Variants in CEP350 observed in about 807,000 individuals in gnomAD.
CEP350 encodes the protein centrosomal protein 350, also known as centrosome-associated protein 350.
A neutral mutation model predicts 331.8 loss-of-function variants in CEP350; 126 were observed. The ratio of observed to expected loss-of-function variants is 0.38; its 90% CI spans 0.33 to 0.44. The LOEUF is 0.44. CEP350 is among the 20% of genes least tolerant of loss of function. The pLI is 1.00. For synonymous variants in CEP350, 1,200 were observed against 1,259.5 expected, an observed-to-expected ratio of 0.95 and a Z score of 1.00; for missense variants, 3,406 against 3,634.6, an observed-to-expected ratio of 0.94 and a Z score of 1.62.
chr1:180,097,360 A>C (rs950071017), intron 36 of CEP350, among the ~76,000 whole-genome samples: 1 of 152,328 alleles, frequency 6.6e-6, no homozygotes. Flanking sequence ...CCCTGGCTTA[A>C]AGTAACTAGC....
intron 1 of CEP350, among the ~76,000 whole-genome samples, chr1:179,959,823 A>G (rs566857399): frequency 2.0e-5 from 3 of 152,284 alleles, no homozygotes; most frequent in African/African-American, 4.8e-5. Context: ...TATAATAAAT[A>G]TATTTGTTTT....
At position 180,048,520 on chromosome 1, in the gene CEP350, A is replaced by C. The variant is rs761969059; in HGVS notation, c.4623-16A>C. 2.0e-5 allele frequency: 32 copies of C among 1,562,836 alleles called. No individual in the cohort carries two copies. Among genetic ancestry groups the C allele is most frequent in the Non-Finnish European group, 2.8e-5 (32 of 1,143,784 alleles). Reference sequence around the variant, plus strand: ...TGTTAATTTTGTTGTTGTTGTTTCCATGTATCCATAAAAAGAAGTAGCAGT... The same window carrying C: ...TGTTAATTTTGTTGTTGTTGTTTCCCTGTATCCATAAAAAGAAGTAGCAGT... On this transcript the variant is annotated splice_polypyrimidine_tract_variant and intron_variant, in intron 21 of 37. Coordinates refer to ENST00000367607, the MANE Select transcript of CEP350 (RefSeq NM_014810.5).
intron 14 of CEP350, among the ~76,000 whole-genome samples, chr1:180,025,730 A>G (rs527365990): frequency 6.6e-6 from 1 of 152,232 alleles, no homozygotes; most frequent in East Asian, 1.9e-4. Context: ...GGGGATCATC[A>G]CACACTGGGA....
At chr1:180,001,506 G>T (rs756067289) in intron 6 of CEP350, among the ~76,000 whole-genome samples, 11 of 152,118 alleles carry the variant, frequency 7.2e-5, no homozygotes, top group Non-Finnish European at 1.6e-4. Flanking sequence ...TGATCCACTC[G>T]CCTCAGCCTC....
At chr1:179,979,155 A>G (rs914742130) in intron 1 of CEP350, among the ~76,000 whole-genome samples, 1 of 152,150 alleles carries the variant, frequency 6.6e-6, no homozygotes, top group Non-Finnish European at 1.5e-5. Flanking sequence ...ACTGTTTTCC[A>G]TAGTGGATAT....
intron 2 of CEP350, among the ~76,000 whole-genome samples, chr1:179,986,995 C>T (rs915964690): frequency 6.6e-6 from 1 of 152,026 alleles, no homozygotes; most frequent in Non-Finnish European, 1.5e-5. Flanking sequence ...AGTGGAAATG[C>T]CAGTCCAATG....
intron 17 of CEP350, among the ~76,000 whole-genome samples, chr1:180,039,263 A>AAAGG (rs1214981940): frequency 1.5e-5 from 1 of 66,524 alleles, no homozygotes; most frequent in African/African-American, 4.5e-5. Flanking sequence ...AAAAAGGAAG[A>AAAGG]AAGGAAGGAA....
rs1334958503 is a variant in CEP350, at chr1:179,992,044, G to T, written c.236-18G>T. On this transcript the variant is annotated intron_variant, in intron 4 of 37. Transcript: ENST00000367607. ...GTATTTTATATTATATGTTCTCACA[G>T]ATTTCCTTTTCCTTCAGATGGTAGA... 2.0e-6 allele frequency: 3 copies of T among 1,510,508 alleles called. No individual in the cohort carries two copies. Among genetic ancestry groups the T allele is most frequent in the African/African-American group, 2.9e-5 (2 of 69,656 alleles). 93.6% of individuals were successfully genotyped at this position (1,510,508 alleles called of 1,614,324 possible).
intron 1 of CEP350, among the ~76,000 whole-genome samples, chr1:179,976,839 G>C (rs934590435): frequency 6.6e-6 from 1 of 151,804 alleles, no homozygotes. Flanking sequence ...TTTTTCCCCC[G>C]TAAGGAAACT....
At chr1:179,985,950 A>G (rs1456855388) in intron 1 of CEP350, among the ~76,000 whole-genome samples, 5 of 152,174 alleles carry the variant, frequency 3.3e-5, no homozygotes, top group Non-Finnish European at 5.9e-5. Context: ...ACTGTTTTCC[A>G]TAGTGATTGT....
At chr1:180,057,381 G>A (rs1409986149) in intron 25 of CEP350, among the ~76,000 whole-genome samples, 1 of 152,048 alleles carries the variant, frequency 6.6e-6, no homozygotes, top group African/African-American at 2.4e-5. Context: ...GATTACAGGC[G>A]TGAGCCACCG....
chr1:180,079,602 CTTA>C (rs1659435698), intron 29 of CEP350, among the ~76,000 whole-genome samples: 1 of 151,750 alleles, frequency 6.6e-6, no homozygotes, highest in Non-Finnish European at 1.5e-5. Flanking sequence ...TTAGTGGTTT[CTTA>C]TTATATGATA....
chr1:180,026,740 T>G (rs1181195903), intron 14 of CEP350, among the ~76,000 whole-genome samples: 3 of 152,250 alleles, frequency 2.0e-5, no homozygotes, highest in Non-Finnish European at 4.4e-5. Context: ...TTATCTTGCT[T>G]ATTTCACTTA....
chr1:179,997,120 A>G lies in CEP350; in HGVS notation c.963A>G (p.Ser321=). Residue 321 remains serine, a synonymous_variant, in exon 6 of 38, where the codon TCA becomes TCG. Coordinates refer to ENST00000367607, the MANE Select transcript of CEP350 (RefSeq NM_014810.5). The part of the protein sequence containing the change: ...HPVMVVNVDN[S]VTAKVRKVAT... ...TAATGGTTGTTAATGTTGATAACTC[A>G]GTAACAGCAAAAGTCAGAAAAGTGG... 1 of 1,613,986 alleles carries G rather than the reference A, an allele frequency of 6.2e-7. No individual in the cohort carries two copies. Among genetic ancestry groups the G allele is most frequent in the Non-Finnish European group, 8.5e-7 (1 of 1,179,854 alleles).
intron 5 of CEP350, among the ~76,000 whole-genome samples, chr1:179,994,259 G>T (rs960126253): frequency 4.6e-5 from 7 of 152,022 alleles, no homozygotes; most frequent in South Asian, 2.1e-4. Flanking sequence ...GTGGGACATG[G>T]TACGTAACCT....
intron 1 of CEP350, among the ~76,000 whole-genome samples, chr1:179,970,365 T>G (rs1651354525): frequency 6.6e-6 from 1 of 152,210 alleles, no homozygotes; most frequent in African/African-American, 2.4e-5. Context: ...TTAGAATATG[T>G]TATAGGACTG....
chr1:179,957,466 G>C (rs200935865), intron 1 of CEP350, among the ~76,000 whole-genome samples: 1 of 152,122 alleles, frequency 6.6e-6, no homozygotes, highest in Admixed American at 6.6e-5. Flanking sequence ...TGGTTATTTT[G>C]AGTTATTCTT....
In CEP350 at chr1:180,080,599, C is replaced by G. The variant is rs1659506952; in HGVS notation, c.6062C>G (p.Pro2021Arg). 1 of 1,613,674 alleles carries G rather than the reference C, an allele frequency of 6.2e-7. No homozygotes were observed. Among genetic ancestry groups the G allele is most frequent in the African/African-American group, 1.3e-5 (1 of 74,912 alleles). Reference sequence around the variant, plus strand: ...AGGACTGGAGGACAATGTCACCTGCCTATCAAGTCCCATCAGCACTGTTAT... The same window carrying G: ...AGGACTGGAGGACAATGTCACCTGCGTATCAAGTCCCATCAGCACTGTTAT... ...SHRTGGQCHL[P>R]IKSHQHCYSW... Residue 2021 changes from proline to arginine, a missense_variant, in exon 30 of 38, where the codon CCT becomes CGT. Pro to Arg is a moderately radical substitution (Grantham distance 103, BLOSUM62 -2). Around this residue, in one of 5 missense-constraint regions of CEP350, gnomAD observed 1,415 missense variants for 1,512.3 expected, o/e 0.94. Coordinates refer to ENST00000367607, the MANE Select transcript of CEP350 (RefSeq NM_014810.5).
intron 1 of CEP350, chr1:179,968,826 G>T: frequency 1.4e-6 from 1 of 703,828 alleles, no homozygotes; most frequent in South Asian, 1.4e-5. Flanking sequence ...AGCTTCTGCT[G>T]GCAGCTCGTG....
Sources: allele counts gnomAD v4.1 joint callset (sites outside exome capture counted in the v4.1 genomes callset), GRCh38; gene constraint gnomAD v4.1.1; regional missense constraint gnomAD v4.1.1; transcripts MANE v1.5; gene names NCBI Gene and HGNC (gene_info 2026-07-23, HGNC 2026-07-21).